ZNF132: variants seen among roughly 807,000 people sequenced by gnomAD.
The protein encoded by ZNF132 is zinc finger protein 132, also known as zinc finger protein 132 (clone pHZ-12).
ZNF132 carries 6 observed loss-of-function variants against 9.3 expected under a neutral mutation model. The ratio of observed to expected loss-of-function variants is 0.65; its 90% confidence interval spans 0.35 to 1.28. The LOEUF (loss-of-function observed/expected upper bound fraction) is 1.28. ZNF132 is among the 50% of genes most tolerant of loss of function. The pLI is 0.03. For missense variants in ZNF132, 877 were observed against 843.2 expected (o/e 1.04, Z -0.50); for synonymous variants, 296 against 292.0 (o/e 1.01, Z -0.14).
In ZNF132 at chr19:58,434,609, GGATT is replaced by G. The variant is rs768787775; in HGVS notation, c.831_834del (p.Ile278LeufsTer28). On this transcript the variant is annotated frameshift_variant, in exon 3 of 3. Transcript: ENST00000254166. LOFTEE classifies it low-confidence loss of function (END_TRUNC). ...CCAGTGTGAAACTTTTTATTACCAA[GGATT>G]GATTTCTCCTCTAAGAAATTTCCAC... 6.2e-7 allele frequency: 1 copy of G among 1,614,140 alleles called. No individual in the cohort carries two copies. Among genetic ancestry groups the G allele is most frequent in the East Asian group, 2.2e-5 (1 of 44,896 alleles).
chr19:58,435,604 AT>A (rs746235928), intron 2 of ZNF132: 69 of 165,438 alleles, frequency 4.2e-4, no homozygotes, highest in African/African-American at 6.9e-4. Context: ...ATAAAAAAAA[AT>A]AAATGACAAC....
chr19:58,436,913 C>T (rs1437883818), intron 2 of ZNF132, 134 bp downstream of exon 2: 1 of 1,209,510 alleles, frequency 8.3e-7, no homozygotes, highest in South Asian at 1.2e-5. Flanking sequence ...AGAACCTCAG[C>T]ACCCCAGCAC....
Position 58,440,140 on chromosome 19 carries a change from A to C in ZNF132, c.-319T>G. On this transcript the variant is annotated 5_prime_UTR_variant, in exon 1 of 3. Transcript: ENST00000254166. ...TGTAGCCCAACCCACCAGCAGCAAA[A>C]TGAGGACCGCAATGGCGGCGCCGGA... 6.8e-5 allele frequency: 26 copies of C among 381,838 alleles called. No homozygotes were observed. The highest frequency in any genetic ancestry group is 2.5e-4 in the East Asian group (4 of 16,252). 23.7% of individuals were successfully genotyped at this position (381,838 alleles called of 1,614,324 possible). A position where few individuals can be genotyped will look rare whatever the true frequency, so the allele number is the denominator to read the frequency against.
In ZNF132 at chr19:58,435,172, T is replaced by A. The variant is rs537359745; in HGVS notation, c.272A>T (p.Lys91Met). 1 of 1,614,104 alleles carries A rather than the reference T, an allele frequency of 6.2e-7. No homozygotes were observed. Among genetic ancestry groups the A allele is most frequent in the South Asian group, 1.1e-5 (1 of 91,082 alleles). Residue 91 changes from lysine to methionine, a missense_variant, in exon 3 of 3, where the codon AAG (lysine) becomes ATG (methionine). Physicochemically the swap from Lys to Met is moderately conservative, Grantham distance 95. Coordinates refer to ENST00000254166, the MANE Select transcript of ZNF132 (RefSeq NM_003433.4). ...TAACACTTCTACAGAAACATTCTGC[T>A]TGGGATGGGCCCCCTCACCCTCTAC... is the stretch of plus-strand genomic sequence containing the variant. ...HGVEGEGAHP[K>M]QNVSVEVLQV...
chr19:58,434,166 A>G lies in ZNF132; in HGVS notation c.1278T>C (p.Thr426=). 1 of 1,613,790 alleles carries G rather than the reference A, an allele frequency of 6.2e-7. No individual in the cohort carries two copies. Among genetic ancestry groups the G allele is most frequent in the Non-Finnish European group, 8.5e-7 (1 of 1,179,942 alleles). ...SALIQHWRVH[T]GERPYECSEC... is the part of the protein sequence containing the mutation. ...CACTGCATTCATACGGTCTTTCTCC[A>G]GTGTGAACTCTCCAGTGCTGAATGA... Residue 426 remains threonine (T), a synonymous_variant, in exon 3 of 3, where the codon ACT becomes ACC. Transcript: ENST00000254166.
At position 58,434,324 on chromosome 19, in the gene ZNF132, G is replaced by T; in HGVS notation, c.1120C>A (p.Pro374Thr). Residue 374 changes from proline (P) to threonine (T), a missense_variant, in exon 3 of 3, where the codon CCT (proline) becomes ACT (threonine). Pro to Thr is a conservative substitution (Grantham distance 38). Coordinates refer to ENST00000254166, the MANE Select transcript of ZNF132 (RefSeq NM_003433.4). ...CTTCCACATTTCAGGCACTCAAAAG[G>T]CCTTTCTCCAGTGTGAACTTTCTCA... The part of the protein sequence containing the change: ...RHEKVHTGER[P>T]FECLKCGRAF... 6.2e-7 allele frequency: 1 copy of T among 1,614,212 alleles called. No individual in the cohort carries two copies.
At chr19:58,439,654 G>C in intron 1 of ZNF132, 105 bp downstream of exon 1, 1 of 1,265,064 alleles carries the variant, frequency 7.9e-7, no homozygotes, top group Non-Finnish European at 1.1e-6. Context: ...GTGAGGACAG[G>C]ACACGATCAA....
chr19:58,434,735 C>T lies in ZNF132; in HGVS notation c.709G>A (p.Glu237Lys), dbSNP rs773959067. The change falls in exon 3 of 3, where the codon GAG (glutamate) becomes AAG (lysine). Residue 237 changes from glutamate to lysine, a missense_variant. By Grantham distance (56) the Glu-to-Lys change is moderately conservative (BLOSUM62 1). Transcript: ENST00000254166. ...AAGGCTTTTCCACAGTTGCTGCACT[C>T]GAAGAGTTTCTGTGTGGTACAGACT... ...PEVCTTQKLF[E>K]CSNCGKAFLK... 1.5e-5 allele frequency: 25 copies of T among 1,614,012 alleles called. No homozygotes were observed. The highest frequency in any genetic ancestry group is 8.0e-5 in the African/African-American group (6 of 74,908).
chr19:58,439,830 G>A lies in ZNF132; in HGVS notation c.-9C>T, dbSNP rs1474250435. 6.5e-7 allele frequency: 1 copy of A among 1,540,752 alleles called. No individual in the cohort carries two copies. Among genetic ancestry groups the A allele is most frequent in the Non-Finnish European group, 8.7e-7 (1 of 1,143,406 alleles). On this transcript the variant is annotated 5_prime_UTR_variant, in exon 1 of 3. Coordinates refer to ENST00000254166, the MANE Select transcript of ZNF132 (RefSeq NM_003433.4). ...GGGCTGGGCAGGGCCATAACAGGAGGCCCAGGGCTAGCCCTGCCGCTGGGC... is the reference window on the plus strand; with the variant it reads ...GGGCTGGGCAGGGCCATAACAGGAGACCCAGGGCTAGCCCTGCCGCTGGGC...
chr19:58,433,333 A>C lies in ZNF132; in HGVS notation c.2111T>G (p.Ile704Ser). ...HLCNLAQHKK[I>S]HT ...TCCATAAGGCTCCACTCAGGTATGA[A>C]TCTTTTTATGCTGTGCAAGGTTACA... Residue 704 changes from isoleucine to serine, a missense_variant, in exon 3 of 3, where the codon ATT becomes AGT. Coordinates refer to ENST00000254166, the MANE Select transcript of ZNF132 (RefSeq NM_003433.4). 6.2e-7 allele frequency: 1 copy of C among 1,611,372 alleles called. No homozygotes were observed. Among genetic ancestry groups the C allele is most frequent in the African/African-American group, 1.3e-5 (1 of 74,974 alleles).
rs1386799531 is a variant in ZNF132 at position 58,433,289 on chromosome 19, T to C, written c.*34A>G. 2 of 1,575,612 alleles carry C rather than the reference T, an allele frequency of 1.3e-6. No individual in the cohort carries two copies. Among genetic ancestry groups the C allele is most frequent in the Non-Finnish European group, 1.7e-6 (2 of 1,160,000 alleles). On this transcript the variant is annotated 3_prime_UTR_variant, in exon 3 of 3. Coordinates refer to ENST00000254166, the MANE Select transcript of ZNF132 (RefSeq NM_003433.4). Reference sequence around the variant, plus strand: ...GCATGAAGTTTGACTTGGCTGAAGATTTTCTCACAAAGACCACTTCCATAA... The same window carrying C: ...GCATGAAGTTTGACTTGGCTGAAGACTTTCTCACAAAGACCACTTCCATAA...
Position 58,434,715 on chromosome 19 carries a change from T to A in ZNF132, c.729A>T (p.Lys243Asn), listed in dbSNP as rs148702484. 7 of 1,614,012 alleles carry A rather than the reference T, an allele frequency of 4.3e-6. No homozygotes were observed. The African/African-American group carries it at 9.3e-5, about 22-fold the overall frequency. ...QKLFECSNCG[K>N]AFLKSSTLPN... Reference sequence around the variant, plus strand: ...GGAGAGTGGAGCTCTTCAGGAAGGCTTTTCCACAGTTGCTGCACTCGAAGA... The same window carrying A: ...GGAGAGTGGAGCTCTTCAGGAAGGCATTTCCACAGTTGCTGCACTCGAAGA... Residue 243 changes from lysine (K) to asparagine (N), a missense_variant, in exon 3 of 3, where the codon AAA (lysine) becomes AAT (asparagine). By Grantham distance (94) the Lys-to-Asn change is moderately conservative. Transcript: ENST00000254166.
In ZNF132 at chr19:58,439,737, G is replaced by T; in HGVS notation, c.63+22C>A. 3 of 1,513,696 alleles carry T rather than the reference G, an allele frequency of 2.0e-6. 1 individual carries two copies. The highest frequency in any genetic ancestry group is 2.7e-6 in the Non-Finnish European group (3 of 1,131,816). The allele number at this position is 1,513,696 out of a possible 1,614,324, so 93.8% of individuals were successfully genotyped here. On this transcript the variant is annotated intron_variant, in intron 1 of 2. Transcript: ENST00000254166. The stretch of plus-strand genomic sequence containing the variant: ...AGGGCCGGAATCCCAGCGGGTGAGG[G>T]CCTGGGGCACACTCCACTTACCTGC...
Position 58,438,773 on chromosome 19 carries a change from AT to A in ZNF132, c.63+985del, listed in dbSNP as rs546729734. ...CAGGCGTGAGCCACCACGCCCGGCA[AT>A]TTTTTTTTTTTTTTAAGACAGAGTC... is the stretch of plus-strand genomic sequence containing the variant. On this transcript the variant is annotated intron_variant, in intron 1 of 2. Coordinates refer to ENST00000254166, the MANE Select transcript of ZNF132 (RefSeq NM_003433.4). Among the ~76,000 whole-genome samples, 474 of 106,206 alleles carry A rather than the reference AT, an allele frequency of 4.5e-3. 1 individual carries two copies. The highest frequency in any genetic ancestry group is 0.029 in the Middle Eastern group (3 of 102). 69.7% of individuals were successfully genotyped at this position (106,206 alleles called of 152,430 possible).
intron 1 of ZNF132, among the ~76,000 whole-genome samples, chr19:58,439,455 G>A (rs779869861): frequency 2.4e-4 from 36 of 152,298 alleles, no homozygotes; most frequent in Non-Finnish European, 3.7e-4. Context: ...AATGGAGACC[G>A]GCAGTCCCCA....
At position 58,434,408 on chromosome 19, in the gene ZNF132, G is replaced by A. The variant is rs1294252511; in HGVS notation, c.1036C>T (p.Pro346Ser). ...TTCCCACATTCATCACACTCATAAG[G>A]TCTTTCTCCTGAGTGAATTCTCTGA... ...HHQRIHSGER[P>S]YECDECGKAF... Residue 346 changes from proline to serine, a missense_variant, in exon 3 of 3, where the codon CCT becomes TCT. Pro to Ser is a moderately conservative substitution (Grantham distance 74, BLOSUM62 -1). Coordinates refer to ENST00000254166, the MANE Select transcript of ZNF132 (RefSeq NM_003433.4). 1 of 1,614,218 alleles carries A rather than the reference G, an allele frequency of 6.2e-7. No individual in the cohort carries two copies. The highest frequency in any genetic ancestry group is 2.2e-5 in the East Asian group (1 of 44,894).
chr19:58,437,315 T>C lies in ZNF132; in HGVS notation c.64-100A>G, dbSNP rs1343384176. On this transcript the variant is annotated intron_variant, in intron 1 of 2. Coordinates refer to ENST00000254166, the MANE Select transcript of ZNF132 (RefSeq NM_003433.4). ...CTACCACTAATATCTCTTTTTCTTA[T>C]GATCCTCTCAGTCCACCCACTACTC... 6 of 1,355,406 alleles carry C rather than the reference T, an allele frequency of 4.4e-6. No homozygotes were observed. The Admixed American group carries it at 1.3e-4, about 30-fold the overall frequency. The allele number at this position is 1,355,406 out of a possible 1,614,324, so 84.0% of individuals were successfully genotyped here.
rs1480799870 is a variant in ZNF132 at position 58,434,545 on chromosome 19, A to T, written c.899T>A (p.Phe300Tyr). 11 of 1,614,178 alleles carry T rather than the reference A, an allele frequency of 6.8e-6. No individual in the cohort carries two copies. Among genetic ancestry groups the T allele is most frequent in the Non-Finnish European group, 8.5e-6 (10 of 1,180,022 alleles). ...PHVCKECGKA[F>Y]SHSSKLRKHQ... ...CTTCCTCAGCTTAGATGAGTGACTA[A>T]AGGCCTTCCCACACTCCTTACACAC... Residue 300 changes from phenylalanine (F) to tyrosine (Y), a missense_variant, in exon 3 of 3, where the codon TTT becomes TAT. Physicochemically the swap from Phe to Tyr is conservative, Grantham distance 22. Coordinates refer to ENST00000254166, the MANE Select transcript of ZNF132 (RefSeq NM_003433.4).
chr19:58,437,023 C>T (rs950298551), intron 2 of ZNF132, 24 bp downstream of exon 2: 1 of 1,614,050 alleles, frequency 6.2e-7, no homozygotes, highest in African/African-American at 1.3e-5. Flanking sequence ...AGGTAGTCAT[C>T]ACCATGCTGA....
Sources: allele counts gnomAD v4.1 joint callset (sites outside exome capture counted in the v4.1 genomes callset), GRCh38; gene constraint gnomAD v4.1.1; transcripts MANE v1.5; gene names NCBI Gene and HGNC (gene_info 2026-07-23, HGNC 2026-07-21).